CACNG7: variants seen among roughly 807,000 people sequenced by gnomAD.
CACNG7 encodes the protein calcium voltage-gated channel auxiliary subunit gamma 7, also known as voltage-dependent calcium channel gamma-7 subunit.
Under a neutral mutation model 26.3 loss-of-function variants are expected in CACNG7, and 9 were observed. The observed-to-expected ratio is 0.34, with a 90% CI of 0.21 to 0.60. The LOEUF (loss-of-function observed/expected upper bound fraction) is 0.60, where lower values mean the gene tolerates loss of function less well. Among genes scored for constraint, CACNG7 ranks in the 20% least tolerant of loss-of-function variants. CACNG7 has a pLI of 0.81. For synonymous variants in CACNG7, 170 were observed against 157.0 expected, an observed-to-expected ratio of 1.08 and a Z score of -0.62; for missense variants, 297 against 380.4, an observed-to-expected ratio of 0.78 and a Z score of 1.82.
intron 4 of CACNG7, among the ~76,000 whole-genome samples, chr19:53,921,085 A>G (rs1310071203): frequency 1.3e-5 from 1 of 75,972 alleles, no homozygotes; most frequent in African/African-American, 8.0e-5. Context: ...AGGTCTGGTC[A>G]TTGGTGGAGT....
chr19:53,913,113 C>T, intron 2 of CACNG7, 86 bp downstream of exon 2: 1 of 1,177,456 alleles, frequency 8.5e-7, no homozygotes, highest in South Asian at 1.5e-5. Flanking sequence ...CCCTTGAGTT[C>T]CAGAAATCCA....
intron 4 of CACNG7, among the ~76,000 whole-genome samples, chr19:53,929,845 A>C (rs1480547726): frequency 6.6e-6 from 1 of 152,154 alleles, no homozygotes; most frequent in Non-Finnish European, 1.5e-5. Flanking sequence ...GAAGGGATAG[A>C]GGAATGGTGG....
chr19:53,921,830 TCTGGTCATTGGTGGAGTTGTCCCAGG>T (rs1555810638), intron 4 of CACNG7, among the ~76,000 whole-genome samples: 941 of 83,300 alleles, frequency 0.011, 152 homozygotes, highest in African/African-American at 0.07. Flanking sequence ...TTGCCCCAGG[TCTGGTCATTGGTGGAGTTGTCCCAGG>T]CTGGTCATTG....
chr19:53,914,697 G>A (rs1568770237), intron 3 of CACNG7, 111 bp downstream of exon 3: 1 of 985,354 alleles, frequency 1.0e-6, no homozygotes, highest in South Asian at 1.4e-5. Flanking sequence ...GGAAGGAGGG[G>A]AGGCTTGAAA....
intron 4 of CACNG7, among the ~76,000 whole-genome samples, chr19:53,928,299 T>C (rs1233493213): frequency 2.0e-5 from 3 of 152,144 alleles, no homozygotes; most frequent in Non-Finnish European, 4.4e-5. Context: ...TGAGGCAGTG[T>C]CTTGCTCTGT....
intron 4 of CACNG7, among the ~76,000 whole-genome samples, chr19:53,930,213 T>A (rs972221577): frequency 6.7e-4 from 102 of 151,290 alleles, no homozygotes; most frequent in African/African-American, 2.4e-3. Context: ...CCTCACCATT[T>A]TTTTTTTTTT....
At position 53,922,212 on chromosome 19, in the gene CACNG7, G is replaced by A. The variant is rs867100788; in HGVS notation, c.424+6707G>A. The stretch of plus-strand genomic sequence containing the variant: ...CATTGGTGGAGTTGCCCCAGGTCTG[G>A]TATTGGTGGAGTTGTCCCCAGGTCT... On this transcript the variant is annotated intron_variant, in intron 4 of 5. Transcript: ENST00000391767. Among the ~76,000 whole-genome samples, 889 of 105,846 alleles carry A rather than the reference G, an allele frequency of 8.4e-3. 4 individuals carry two copies. Among genetic ancestry groups the A allele is most frequent in the African/African-American group, 0.036 (770 of 21,346 alleles). The allele number at this position is 105,846 out of a possible 152,430, so 69.4% of individuals were successfully genotyped here.
At chr19:53,931,443 T>G (rs1341086681) in intron 4 of CACNG7, among the ~76,000 whole-genome samples, 1 of 151,852 alleles carries the variant, frequency 6.6e-6, no homozygotes, top group Non-Finnish European at 1.5e-5. Flanking sequence ...TCCCAGCACT[T>G]TGGGAGGCCG....
At chr19:53,938,752 G>C (rs2069120357) in intron 4 of CACNG7, among the ~76,000 whole-genome samples, 2 of 152,140 alleles carry the variant, frequency 1.3e-5, no homozygotes, top group Non-Finnish European at 2.9e-5. Context: ...TTCGAGACCA[G>C]CCTGGGCAAC....
At chr19:53,922,454 G>GC (rs1555810734) in intron 4 of CACNG7, among the ~76,000 whole-genome samples, 1 of 96,736 alleles carries the variant, frequency 1.0e-5, no homozygotes, top group African/African-American at 5.0e-5. Context: ...GTTGTCCCAG[G>GC]CTGGTCATTG....
At chr19:53,930,710 G>A (rs1411274633) in intron 4 of CACNG7, among the ~76,000 whole-genome samples, 1 of 151,894 alleles carries the variant, frequency 6.6e-6, no homozygotes, top group Non-Finnish European at 1.5e-5. Flanking sequence ...GTTTCACCAT[G>A]TTGGCCAGGC....
intron 4 of CACNG7, among the ~76,000 whole-genome samples, chr19:53,933,609 G>A (rs187129653): frequency 6.6e-6 from 1 of 151,444 alleles, no homozygotes; most frequent in African/African-American, 2.4e-5. Context: ...GCCTATTCCT[G>A]TGTTTTCTTG....
intron 3 of CACNG7, among the ~76,000 whole-genome samples, chr19:53,914,984 TCA>T: frequency 7.0e-6 from 1 of 142,986 alleles, no homozygotes; most frequent in Non-Finnish European, 1.5e-5. Context: ...CCTGGGCAAC[TCA>T]CAGAGTGAGA....
chr19:53,926,384 C>A (rs1377715975), intron 4 of CACNG7, among the ~76,000 whole-genome samples: 2 of 151,970 alleles, frequency 1.3e-5, no homozygotes, highest in Admixed American at 6.6e-5. Context: ...ACTTCGTACA[C>A]TCATTATTCC....
In CACNG7 at chr19:53,912,895, C is replaced by T; in HGVS notation, c.64C>T (p.Leu22Phe). Residue 22 changes from leucine (L) to phenylalanine (F), a missense_variant, in exon 2 of 6, where the codon CTC becomes TTC. Coordinates refer to ENST00000391767, the MANE Select transcript of CACNG7 (RefSeq NM_031896.5). The surrounding 1 kb of genome is among the most constrained non-coding windows in gnomAD (Gnocchi z 4.6). Reference sequence around the variant, plus strand: ...CAGCGTGTTTGGTGCGTGTGGCCTGCTCCTGGTAGGCATCGCGGTCAGCAC... The same window carrying T: ...CAGCGTGTTTGGTGCGTGTGGCCTGTTCCTGGTAGGCATCGCGGTCAGCAC... ...LSSVFGACGL[L>F]LVGIAVSTDY... 1 of 1,614,060 alleles carries T rather than the reference C, an allele frequency of 6.2e-7. No individual in the cohort carries two copies. Among genetic ancestry groups the T allele is most frequent in the Non-Finnish European group, 8.5e-7 (1 of 1,180,040 alleles).
intron 4 of CACNG7, among the ~76,000 whole-genome samples, chr19:53,923,851 G>T (rs1424934151): frequency 8.2e-6 from 1 of 121,604 alleles, no homozygotes; most frequent in Non-Finnish European, 1.7e-5. Context: ...GTTGCCCCAG[G>T]CCTGGTCATT....
At chr19:53,917,416 C>A (rs76702818) in intron 4 of CACNG7, among the ~76,000 whole-genome samples, 3,075 of 152,252 alleles carry the variant, frequency 0.02, 106 homozygotes, top group African/African-American at 0.07. Context: ...CTGTGCAAAT[C>A]GTTGAAAAGG....
chr19:53,925,080 C>T (rs1290590079), intron 4 of CACNG7, among the ~76,000 whole-genome samples: 4 of 103,000 alleles, frequency 3.9e-5, no homozygotes, highest in Admixed American at 1.8e-4. Context: ...TGGAGTTGCC[C>T]CAGGTCTGGT....
In CACNG7 at chr19:53,941,489, C is replaced by T; in HGVS notation, c.444C>T (p.Gly148=). The stretch of plus-strand genomic sequence containing the variant: ...CCCTAGGCCTCTCCTTGGTGGTGGG[C>T]TTGGTTCTTTACATCTCCAGCATCA... ...FILSGLSLVV[G]LVLYISSIND... Residue 148 remains glycine (G), a synonymous_variant, in exon 5 of 6, where the codon GGC becomes GGT. Transcript: ENST00000391767. 6.3e-7 allele frequency: 1 copy of T among 1,582,350 alleles called. No homozygotes were observed. The highest frequency in any genetic ancestry group is 1.4e-5 in the African/African-American group (1 of 72,470).
Sources: allele counts gnomAD v4.1 joint callset (sites outside exome capture counted in the v4.1 genomes callset), GRCh38; gene constraint gnomAD v4.1.1; non-coding constraint Gnocchi (gnomAD v3.1); transcripts MANE v1.5; gene names NCBI Gene and HGNC (gene_info 2026-07-23, HGNC 2026-07-21).